ADGRG6: variants seen among roughly 807,000 people sequenced by gnomAD.
ADGRG6 encodes the protein adhesion G protein-coupled receptor G6.
ADGRG6 carries 84 observed loss-of-function variants against 142.4 expected under a neutral mutation model. That is an observed-to-expected ratio of 0.59 (90% confidence interval 0.49 to 0.71). The LOEUF (loss-of-function observed/expected upper bound fraction) is 0.71, where lower values mean the gene tolerates loss of function less well. ADGRG6 is among the 30% of genes least tolerant of loss of function. ADGRG6 has a pLI of 0.00. For synonymous variants in ADGRG6, 521 were observed against 520.5 expected, an observed-to-expected ratio of 1.00 and a Z score of -0.01; for missense variants, 1,367 against 1,466.6, an observed-to-expected ratio of 0.93 and a Z score of 1.11.
intron 3 of ADGRG6, among the ~76,000 whole-genome samples, chr6:142,369,597 ACTCC>A (rs1171090185): frequency 6.6e-6 from 1 of 151,844 alleles, no homozygotes; most frequent in African/African-American, 2.4e-5. Context: ...TTTTCACTAG[ACTCC>A]CTCTCCTTAA....
intron 2 of ADGRG6, among the ~76,000 whole-genome samples, chr6:142,365,156 T>C (rs1780888083): frequency 6.6e-6 from 1 of 152,182 alleles, no homozygotes; most frequent in African/African-American, 2.4e-5. Flanking sequence ...CAAGGCAAAG[T>C]AACACAAAGC....
chr6:142,367,050 A>G (rs1032206907), intron 2 of ADGRG6, among the ~76,000 whole-genome samples: 5 of 152,140 alleles, frequency 3.3e-5, no homozygotes, highest in Non-Finnish European at 5.9e-5. Context: ...ATTTTTTTGT[A>G]TTGATAGCTT....
In ADGRG6 at chr6:142,302,175, C is replaced by T. The variant is rs1777252108; in HGVS notation, c.-155C>T. ...GTTCACCTTGCGCCGTCGGGAAAGCCCATGAACTCTCCAGAAACGGCGTAA... is the reference window on the plus strand; with the variant it reads ...GTTCACCTTGCGCCGTCGGGAAAGCTCATGAACTCTCCAGAAACGGCGTAA... On this transcript the variant is annotated 5_prime_UTR_variant, in exon 1 of 25. Transcript: ENST00000367609. 4 of 762,804 alleles carry T rather than the reference C, an allele frequency of 5.2e-6. No individual in the cohort carries two copies. The highest frequency in any genetic ancestry group is 8.3e-6 in the Non-Finnish European group (4 of 482,926). 47.3% of individuals were successfully genotyped at this position (762,804 alleles called of 1,614,324 possible).
At chr6:142,303,364 C>G (rs1777322111) in intron 1 of ADGRG6, among the ~76,000 whole-genome samples, 2 of 152,160 alleles carry the variant, frequency 1.3e-5, no homozygotes, top group South Asian at 4.1e-4. Flanking sequence ...CCTGCACTTT[C>G]CATTCCCTAC....
chr6:142,302,613 T>G (rs1016088928), intron 1 of ADGRG6: 11 of 432,838 alleles, frequency 2.5e-5, no homozygotes, highest in African/African-American at 1.8e-4. Context: ...AGGGCAGGGC[T>G]TCAAGAATGG....
intron 2 of ADGRG6, among the ~76,000 whole-genome samples, chr6:142,313,051 A>G (rs913180325): frequency 3.3e-5 from 5 of 152,152 alleles, no homozygotes; most frequent in African/African-American, 1.2e-4. Flanking sequence ...GGGTTGTCTC[A>G]GAGGCACAGT....
intron 9 of ADGRG6, among the ~76,000 whole-genome samples, chr6:142,395,267 G>C (rs139289327): frequency 5.9e-5 from 9 of 152,052 alleles, no homozygotes; most frequent in Non-Finnish European, 1.0e-4. Flanking sequence ...ATTCTTGAAG[G>C]TGACAGAACT....
intron 2 of ADGRG6, among the ~76,000 whole-genome samples, chr6:142,353,231 C>A (rs1229063383): frequency 6.6e-6 from 1 of 152,152 alleles, no homozygotes; most frequent in Non-Finnish European, 1.5e-5. Flanking sequence ...TCCCACCCAA[C>A]CTATTTATTT....
At chr6:142,371,393 C>T (rs1456299458) in intron 4 of ADGRG6, among the ~76,000 whole-genome samples, 1 of 151,748 alleles carries the variant, frequency 6.6e-6, no homozygotes, top group Non-Finnish European at 1.5e-5. Flanking sequence ...TCTCAAACTC[C>T]TGACCTCAAG....
At chr6:142,379,876 C>T (rs1049667635) in intron 4 of ADGRG6, among the ~76,000 whole-genome samples, 1 of 152,156 alleles carries the variant, frequency 6.6e-6, no homozygotes, top group African/African-American at 2.4e-5. Context: ...AGGACACACC[C>T]GTGACACAGC....
chr6:142,360,234 G>A (rs1484284602), intron 2 of ADGRG6, among the ~76,000 whole-genome samples: 1 of 152,192 alleles, frequency 6.6e-6, no homozygotes, highest in Non-Finnish European at 1.5e-5. Context: ...TGTTTGGACT[G>A]ATGGCTCTAT....
At chr6:142,410,063 T>C (rs1776005183) in intron 17 of ADGRG6, 144 bp downstream of exon 17, 2 of 425,500 alleles carry the variant, frequency 4.7e-6, no homozygotes, top group East Asian at 7.1e-5. Flanking sequence ...GCAAAGTTAG[T>C]TTAGGTAGCT....
chr6:142,367,643 G>T lies in ADGRG6; in HGVS notation c.178G>T (p.Asp60Tyr), dbSNP rs138992283. The change falls in exon 3 of 25, where the codon GAC becomes TAC. Residue 60 changes from aspartate (D) to tyrosine (Y), a missense_variant. Physicochemically the swap from Asp to Tyr is radical, Grantham distance 160 (BLOSUM62 -3). Coordinates refer to ENST00000367609, the MANE Select transcript of ADGRG6 (RefSeq NM_198569.3). ...GTFTSPCYPN[D>Y]YPNSQACMWT... ...CTTTACTTCTCCATGCTACCCTAAC[G>T]ACTACCCAAACAGCCAGGCTTGCAT... 1.2e-6 allele frequency: 2 copies of T among 1,613,592 alleles called. No individual in the cohort carries two copies. The highest frequency in any genetic ancestry group is 2.7e-5 in the African/African-American group (2 of 74,886).
chr6:142,325,322 C>T (rs750516760), intron 2 of ADGRG6, among the ~76,000 whole-genome samples: 5 of 152,110 alleles, frequency 3.3e-5, no homozygotes, highest in Non-Finnish European at 7.4e-5. Flanking sequence ...GAGAGAAGTG[C>T]TAGAGCTTCC....
At chr6:142,420,925 A>T (rs765701418) in intron 22 of ADGRG6, among the ~76,000 whole-genome samples, 12 of 152,192 alleles carry the variant, frequency 7.9e-5, no homozygotes, top group Non-Finnish European at 1.3e-4. Context: ...ACACTCTAAA[A>T]GAAATTAGAA....
intron 2 of ADGRG6, among the ~76,000 whole-genome samples, chr6:142,343,067 G>A (rs1159279324): frequency 6.6e-6 from 1 of 151,476 alleles, no homozygotes; most frequent in Admixed American, 6.6e-5. Flanking sequence ...TACTTATATA[G>A]GGTATGTAAA....
In ADGRG6 at chr6:142,302,226, C is replaced by T. The variant is rs1777255953; in HGVS notation, c.-104C>T. 4 of 1,372,046 alleles carry T rather than the reference C, an allele frequency of 2.9e-6. No homozygotes were observed. Among genetic ancestry groups the T allele is most frequent in the Admixed American group, 4.1e-5 (2 of 49,332 alleles). 85.0% of individuals were successfully genotyped at this position (1,372,046 alleles called of 1,614,324 possible). On this transcript the variant is annotated 5_prime_UTR_variant, in exon 1 of 25. Coordinates refer to ENST00000367609, the MANE Select transcript of ADGRG6 (RefSeq NM_198569.3). ...AGGAGGGTCCCGCCGCGGCGCAGGG[C>T]TGGGGCGCCTGGGTTCCCCCTGGGT...
chr6:142,397,473 A>G (rs1775259900), intron 9 of ADGRG6, 140 bp from the exon 10 acceptor site: 1 of 620,184 alleles, frequency 1.6e-6, no homozygotes, highest in Admixed American at 3.4e-5. Context: ...CAGCAGAGAA[A>G]GTCTGTGAGC....
intron 2 of ADGRG6, among the ~76,000 whole-genome samples, chr6:142,315,443 G>C (rs952457970): frequency 6.6e-6 from 1 of 151,948 alleles, no homozygotes; most frequent in African/African-American, 2.4e-5. Context: ...ATACTTTATA[G>C]GGTGGGGTAG....
Sources: gnomAD v4.1 joint callset for allele counts (sites outside exome capture counted in the v4.1 genomes callset) on GRCh38, gnomAD v4.1.1 for gene constraint, MANE v1.5 for transcripts, NCBI Gene and HGNC (gene_info 2026-07-23, HGNC 2026-07-21) for gene names.